Variants in PCDHGA2 observed in about 807,000 individuals in gnomAD.
The protein encoded by PCDHGA2 is protocadherin gamma subfamily A, 2.
In PCDHGA2, 40 loss-of-function variants were observed where a neutral mutation model predicts 59.2. That is an observed-to-expected ratio of 0.68 (90% confidence interval 0.52 to 0.88). The LOEUF (loss-of-function observed/expected upper bound fraction) is 0.88, where lower values mean the gene tolerates loss of function less well. PCDHGA2 is among the 40% of genes least tolerant of loss of function. The pLI is 0.00. For missense variants in PCDHGA2, 1,226 were observed against 1,204.0 expected, an observed-to-expected ratio of 1.02 and a Z score of -0.27; for synonymous variants, 560 against 526.0, an observed-to-expected ratio of 1.06 and a Z score of -0.89.
chr5:141,353,605 T>A (rs1428740410), intron 1 of PCDHGA2, among the ~76,000 whole-genome samples: 1 of 152,240 alleles, frequency 6.6e-6, no homozygotes, highest in East Asian at 1.9e-4. Flanking sequence ...TTCTTAACCA[T>A]TCCTAAATTA....
At chr5:141,464,838 A>G (rs2099091245) in intron 1 of PCDHGA2, among the ~76,000 whole-genome samples, 1 of 152,182 alleles carries the variant, frequency 6.6e-6, no homozygotes, top group African/African-American at 2.4e-5. Context: ...TCCTGGGCTC[A>G]AGCAATCCTC....
intron 1 of PCDHGA2, chr5:141,404,948 G>A (rs756928954): frequency 3.1e-6 from 5 of 1,613,838 alleles, no homozygotes; most frequent in African/African-American, 1.3e-5. Flanking sequence ...AGCCATAGCT[G>A]ACAGCATCCC....
rs374678605 is a variant in PCDHGA2 at position 141,339,441 on chromosome 5, C to A, written c.470C>A (p.Ala157Glu). ...TPGFRIPLKNAHDADVGENAL... is the reference protein window; with the variant it reads ...TPGFRIPLKNEHDADVGENAL... ...GGATTCCGGATTCCTCTTAAGAATG[C>A]GCATGATGCAGACGTAGGTGAGAAC... The change falls in exon 1 of 4, where the codon GCG becomes GAG. Residue 157 changes from alanine (A) to glutamate (E), a missense_variant. By Grantham distance (107) the Ala-to-Glu change is moderately radical (BLOSUM62 -1). Coordinates refer to ENST00000394576, the MANE Select transcript of PCDHGA2 (RefSeq NM_018915.4). The A allele has an allele frequency of 3.3e-5, 54 of 1,614,076 alleles. No homozygotes were observed. Among genetic ancestry groups the A allele is most frequent in the Admixed American group, 1.5e-4 (9 of 60,004 alleles).
At chr5:141,424,297 A>G (rs2096812591) in intron 1 of PCDHGA2, 1 of 152,466 alleles carries the variant, frequency 6.6e-6, no homozygotes, top group African/African-American at 2.4e-5. Flanking sequence ...TCTTCATCCT[A>G]TCAACACAGA....
intron 1 of PCDHGA2, chr5:141,351,862 C>A: frequency 6.2e-7 from 1 of 1,613,236 alleles, no homozygotes; most frequent in South Asian, 1.1e-5. Context: ...GGGACCAGGG[C>A]TCCCCCGCGC....
intron 1 of PCDHGA2, chr5:141,393,489 G>C: frequency 6.2e-7 from 1 of 1,614,062 alleles, no homozygotes; most frequent in Non-Finnish European, 8.5e-7. Flanking sequence ...CTCTAGCACA[G>C]TGCGCATCCA....
chr5:141,355,432 A>C (rs1759852204), intron 1 of PCDHGA2: 1 of 1,613,966 alleles, frequency 6.2e-7, no homozygotes, highest in Non-Finnish European at 8.5e-7. Flanking sequence ...TTTCGCCCTG[A>C]ACCCGCGCAG....
chr5:141,461,355 G>A (rs993200082), intron 1 of PCDHGA2, among the ~76,000 whole-genome samples: 3 of 152,022 alleles, frequency 2.0e-5, no homozygotes, highest in Non-Finnish European at 2.9e-5. Flanking sequence ...GTGGTAGCTC[G>A]TTGTGGTTTT....
chr5:141,508,731 A>C (rs1596169554), intron 3 of PCDHGA2, among the ~76,000 whole-genome samples: 6 of 145,538 alleles, frequency 4.1e-5, no homozygotes, highest in African/African-American at 5.1e-5. Context: ...GGGAGACTAC[A>C]CCCCCCACCC....
At chr5:141,388,558 C>G in intron 1 of PCDHGA2, 1 of 1,613,910 alleles carries the variant, frequency 6.2e-7, no homozygotes, top group Non-Finnish European at 8.5e-7. Context: ...CTAAGCAGCA[C>G]TGCACAGATA....
rs371823901 is a variant in PCDHGA2 at position 141,384,767 on chromosome 5, C to T, written c.2424+43372C>T. 6.8e-6 allele frequency: 11 copies of T among 1,613,806 alleles called. No individual in the cohort carries two copies. The African/African-American group carries it at 9.3e-5, about 14-fold the overall frequency. The stretch of plus-strand genomic sequence containing the variant: ...GGACTCTTTGCGGTTGGGCTGTACA[C>T]GGGCGAGGTGCGCACGGCTCGGGCC... On this transcript the variant is annotated intron_variant, in intron 1 of 3. Coordinates refer to ENST00000394576, the MANE Select transcript of PCDHGA2 (RefSeq NM_018915.4).
intron 1 of PCDHGA2, chr5:141,409,740 T>C: frequency 6.2e-7 from 1 of 1,612,820 alleles, no homozygotes; most frequent in Non-Finnish European, 8.5e-7. Context: ...CAGAGCGGGG[T>C]GGTGTTCGCG....
rs759193676 is a variant in PCDHGA2 at position 141,355,515 on chromosome 5, C to T, written c.2424+14120C>T. On this transcript the variant is annotated intron_variant, in intron 1 of 3. Transcript: ENST00000394576. The stretch of plus-strand genomic sequence containing the variant: ...ACAGATCTCCAAACTGTGTGACAAA[C>T]CTGGAGATTCTTCTAGAAGATACAG... 8.1e-6 allele frequency: 13 copies of T among 1,614,008 alleles called. No homozygotes were observed. The East Asian group carries it at 1.1e-4, about 14-fold the overall frequency.
chr5:141,391,681 T>TC (rs2092407596), intron 1 of PCDHGA2: 4 of 152,210 alleles, frequency 2.6e-5, no homozygotes, highest in Admixed American at 2.6e-4. Context: ...TGAAATAAGT[T>TC]CATCTGCTAC....
chr5:141,379,766 C>G (rs1325223169), intron 1 of PCDHGA2: 1 of 151,638 alleles, frequency 6.6e-6, no homozygotes, highest in Admixed American at 6.6e-5. Context: ...ACCTGCAATA[C>G]AGATCATTAA....
At position 141,339,997 on chromosome 5, in the gene PCDHGA2, C is replaced by A. The variant is rs1756898800; in HGVS notation, c.1026C>A (p.Asp342Glu). ...TCGTCACGGTTCTGGATGTGAATGA[C>A]AATGCCCCAGAATTTTACATGACAT... ...KVIVTVLDVN[D>E]NAPEFYMTSA... The change falls in exon 1 of 4, where the codon GAC becomes GAA. Residue 342 changes from aspartate to glutamate, a missense_variant. Transcript: ENST00000394576. 1.2e-6 allele frequency: 2 copies of A among 1,613,828 alleles called. No individual in the cohort carries two copies. The highest frequency in any genetic ancestry group is 1.7e-6 in the Non-Finnish European group (2 of 1,180,012).
intron 1 of PCDHGA2, chr5:141,427,734 C>A (rs2097062807): frequency 1.7e-6 from 2 of 1,207,418 alleles, no homozygotes; most frequent in Non-Finnish European, 2.4e-6. Flanking sequence ...GCTGAATGGC[C>A]AAGTCTCCTA....
chr5:141,364,525 C>T (rs763615712), intron 1 of PCDHGA2: 1 of 1,613,944 alleles, frequency 6.2e-7, no homozygotes, highest in African/African-American at 1.3e-5. Flanking sequence ...GCGGAGTCCG[C>T]ATCGTCTCCA....
chr5:141,357,632 C>A, intron 1 of PCDHGA2: 1 of 1,612,944 alleles, frequency 6.2e-7, no homozygotes, highest in East Asian at 2.2e-5. Context: ...GTGAGTCAAT[C>A]TTATAATAGA....
Sources: allele counts gnomAD v4.1 joint callset (sites outside exome capture counted in the v4.1 genomes callset), GRCh38; gene constraint gnomAD v4.1.1; transcripts MANE v1.5; gene names NCBI Gene and HGNC (gene_info 2026-07-23, HGNC 2026-07-21).